The following ZFHX3 variants were observed in gnomAD, a reference collection of about 807,000 sequenced individuals.
The protein encoded by ZFHX3 is zinc finger homeobox 3, also known as zinc finger homeobox protein 3.
A neutral mutation model predicts 279.1 loss-of-function variants in ZFHX3; 42 were observed. The observed-to-expected ratio is 0.15, with a 90% CI of 0.12 to 0.19. The LOEUF is 0.19. Among genes scored for constraint, ZFHX3 ranks in the 10% least tolerant of loss-of-function variants. ZFHX3 has a pLI of 1.00. For missense variants in ZFHX3, 4,981 were observed against 4,754.0 expected (o/e 1.05, Z -1.40); for synonymous variants, 2,293 against 1,957.8 (o/e 1.17, Z -4.52).
intron 2 of ZFHX3, among the ~76,000 whole-genome samples, chr16:73,659,580 G>A (rs2052758601): frequency 6.6e-6 from 1 of 152,122 alleles, no homozygotes; most frequent in Non-Finnish European, 1.5e-5. Context: ...TCTGTTGTCA[G>A]CTGTATGGAG....
At chr16:73,157,642 G>A (rs1235987457) in intron 5 of ZFHX3, among the ~76,000 whole-genome samples, 1 of 152,118 alleles carries the variant, frequency 6.6e-6, no homozygotes, top group Non-Finnish European at 1.5e-5. Flanking sequence ...TTGAACAGCA[G>A]TAATTAAATC....
rs775939875 is a variant in ZFHX3, at chr16:72,958,829, T to A, written c.1317A>T (p.Ala439=). Residue 439 remains alanine (A), a synonymous_variant, in exon 2 of 10, where the codon GCA becomes GCT. Coordinates refer to ENST00000268489, the MANE Select transcript of ZFHX3 (RefSeq NM_006885.4). ...CGCCCACTTCCTGCTTCTCTCCTTC[T>A]GCCGCCCCAGAGTCCTTGCCCTCTG... ...KSSEGKDSGA[A]EGEKQEVGDG... 6.2e-7 allele frequency: 1 copy of A among 1,614,126 alleles called. No individual in the cohort carries two copies. The highest frequency in any genetic ancestry group is 1.7e-5 in the Admixed American group (1 of 60,016).
At chr16:73,163,550 C>T (rs899255758) in intron 5 of ZFHX3, among the ~76,000 whole-genome samples, 7 of 152,152 alleles carry the variant, frequency 4.6e-5, no homozygotes, top group Non-Finnish European at 1.0e-4. Flanking sequence ...CCTGCAAAAA[C>T]GAAAATATTT....
chr16:73,493,759 G>T (rs1051919027), intron 2 of ZFHX3, among the ~76,000 whole-genome samples: 1 of 152,056 alleles, frequency 6.6e-6, no homozygotes, highest in Non-Finnish European at 1.5e-5. Context: ...TTGTTCCTGG[G>T]TGTGGCAGGC....
intron 5 of ZFHX3, among the ~76,000 whole-genome samples, chr16:73,222,748 C>A (rs1019200302): frequency 3.3e-5 from 5 of 151,906 alleles, no homozygotes; most frequent in Admixed American, 3.3e-4. Flanking sequence ...TGCCAAAGAC[C>A]AAGAATAGCT....
At chr16:73,003,834 A>G (rs1250387113) in intron 1 of ZFHX3, among the ~76,000 whole-genome samples, 6 of 152,096 alleles carry the variant, frequency 3.9e-5, no homozygotes, top group African/African-American at 9.7e-5. Context: ...TCACGGGGGG[A>G]AAAGCTACAC....
At chr16:73,109,012 G>A (rs944547276) in intron 7 of ZFHX3, among the ~76,000 whole-genome samples, 2 of 152,086 alleles carry the variant, frequency 1.3e-5, no homozygotes, top group African/African-American at 4.8e-5. Context: ...GATTCTGGCT[G>A]GCCGGAGGCA....
At chr16:73,801,121 G>A (rs931343972) in intron 1 of ZFHX3, among the ~76,000 whole-genome samples, 1 of 152,146 alleles carries the variant, frequency 6.6e-6, no homozygotes, top group Non-Finnish European at 1.5e-5. Flanking sequence ...CCTTCTATTT[G>A]TACTTATATT....
At chr16:73,762,618 C>A (rs764779064) in intron 1 of ZFHX3, among the ~76,000 whole-genome samples, 6 of 152,118 alleles carry the variant, frequency 3.9e-5, no homozygotes, top group African/African-American at 1.4e-4. Context: ...AAATGTAGTA[C>A]ATATATACCA....
intron 5 of ZFHX3, among the ~76,000 whole-genome samples, chr16:73,206,507 A>G (rs1434935750): frequency 6.6e-6 from 1 of 152,156 alleles, no homozygotes; most frequent in Admixed American, 6.5e-5. Flanking sequence ...TGCCTTTCTT[A>G]TCTAGGCCAG....
chr16:73,238,854 C>T (rs1405037763), intron 5 of ZFHX3, among the ~76,000 whole-genome samples: 4 of 152,156 alleles, frequency 2.6e-5, no homozygotes, highest in Admixed American at 2.6e-4. Context: ...GAACGTTCAC[C>T]TCGGCTTCCT....
At chr16:73,255,273 G>A (rs193289249) in intron 5 of ZFHX3, among the ~76,000 whole-genome samples, 284 of 152,318 alleles carry the variant, frequency 1.9e-3, no homozygotes, top group Middle Eastern at 0.014. Flanking sequence ...GAACCTAGAA[G>A]TATTGGATTC....
chr16:73,767,445 A>G (rs534683049), intron 1 of ZFHX3, among the ~76,000 whole-genome samples: 22 of 152,234 alleles, frequency 1.4e-4, no homozygotes, highest in African/African-American at 4.8e-4. Flanking sequence ...AGAGAGTACT[A>G]CATGAGAATT....
At chr16:73,289,004 G>A (rs1219699823) in intron 4 of ZFHX3, among the ~76,000 whole-genome samples, 1 of 147,438 alleles carries the variant, frequency 6.8e-6, no homozygotes, top group Non-Finnish European at 1.5e-5. Flanking sequence ...ACGACTTTGT[G>A]TTACATAAAA....
In ZFHX3 at chr16:72,793,889, A is replaced by G; in HGVS notation, c.8793T>C (p.Ser2931=). The change falls in exon 9 of 10, where the codon AGT becomes AGC. Residue 2931 remains serine, a synonymous_variant. Transcript: ENST00000268489. This position sits in a 1 kb window ranked among gnomAD's most constrained non-coding sequence, Gnocchi z 4.3. ...ADPCSPSPGA[S]GSAGKSGDSG... ...TGTCACCAGATTTGCCTGCAGATCC[A>G]CTCGCACCAGGACTCGGGGAGCAGG... The G allele has an allele frequency of 6.2e-7, 1 of 1,614,124 alleles. No homozygotes were observed. Among genetic ancestry groups the G allele is most frequent in the South Asian group, 1.1e-5 (1 of 91,078 alleles).
intron 1 of ZFHX3, among the ~76,000 whole-genome samples, chr16:73,728,015 G>GCCCACCCCCCCC (rs1555535414): frequency 1.3e-5 from 1 of 75,426 alleles, no homozygotes; most frequent in African/African-American, 4.6e-5. Flanking sequence ...GCCGAATTGT[G>GCCCACCCCCCCC]CCCCCCCCCC....
chr16:73,649,623 A>G (rs535343164), intron 2 of ZFHX3, among the ~76,000 whole-genome samples: 14 of 152,288 alleles, frequency 9.2e-5, no homozygotes, highest in African/African-American at 3.4e-4. Context: ...TGTTCTACCT[A>G]TAGACTTACA....
At chr16:73,059,022 G>T (rs1965638521) in exon 1 of ZFHX3, 1 of 155,414 alleles carries the variant, frequency 6.4e-6, no homozygotes. Context: ...GCTGATGAGT[G>T]AAAAGAAAAA....
At chr16:73,249,842 A>ACAC (rs2013428398) in intron 5 of ZFHX3, among the ~76,000 whole-genome samples, 1 of 151,996 alleles carries the variant, frequency 6.6e-6, no homozygotes, top group Non-Finnish European at 1.5e-5. Flanking sequence ...ACACACACAC[A>ACAC]CACACACAAA....
Sources: allele counts gnomAD v4.1 joint callset (sites outside exome capture counted in the v4.1 genomes callset), GRCh38; gene constraint gnomAD v4.1.1; non-coding constraint Gnocchi (gnomAD v3.1); transcripts MANE v1.5; gene names NCBI Gene and HGNC (gene_info 2026-07-23, HGNC 2026-07-21).